Variants in PHRF1 observed in about 807,000 individuals in gnomAD.
PHRF1 encodes PHD and ring finger domains 1.
PHRF1 carries 53 observed loss-of-function variants against 128.9 expected under a neutral mutation model. That is an observed-to-expected ratio of 0.41 (90% CI 0.33 to 0.52). The LOEUF (loss-of-function observed/expected upper bound fraction) is 0.52. PHRF1 is among the 20% of genes least tolerant of loss of function. The probability of loss-of-function intolerance (pLI) is 0.21; values close to 1 mark genes in which losing one functional copy is unlikely to be tolerated. For missense variants in PHRF1, 2,503 were observed against 2,284.5 expected (o/e 1.10, Z -1.95); for synonymous variants, 1,178 against 980.6 (o/e 1.20, Z -3.76).
At chr11:595,546 C>G (rs1855228288) in intron 6 of PHRF1, among the ~76,000 whole-genome samples, 1 of 152,210 alleles carries the variant, frequency 6.6e-6, no homozygotes, top group African/African-American at 2.4e-5. Flanking sequence ...CCATGGGTGC[C>G]TGCACCGTAG....
chr11:599,068 T>A (rs1054807899), intron 9 of PHRF1, among the ~76,000 whole-genome samples: 1 of 152,186 alleles, frequency 6.6e-6, no homozygotes, highest in African/African-American at 2.4e-5. Flanking sequence ...CTGCACCTTG[T>A]CAGACACCCC....
At chr11:584,728 C>CAT (rs1258579802) in intron 3 of PHRF1, among the ~76,000 whole-genome samples, 1 of 142,778 alleles carries the variant, frequency 7.0e-6, no homozygotes, top group Non-Finnish European at 1.5e-5. Context: ...TTCTCCAGGA[C>CAT]CTTTTTTTTT....
chr11:577,173 C>T (rs1380876580), intron 1 of PHRF1, among the ~76,000 whole-genome samples: 2 of 152,208 alleles, frequency 1.3e-5, no homozygotes, highest in East Asian at 1.9e-4. Flanking sequence ...GCAGTCCTCA[C>T]AAGAGCCTCT....
At chr11:601,202 T>C (rs1402813872) in intron 9 of PHRF1, among the ~76,000 whole-genome samples, 1 of 151,848 alleles carries the variant, frequency 6.6e-6, no homozygotes, top group Non-Finnish European at 1.5e-5. Context: ...CCTAGCTCTT[T>C]AGGAGGCTGA....
In PHRF1 at chr11:609,541, A is replaced by C; in HGVS notation, c.4085A>C (p.Asp1362Ala). The C allele has an allele frequency of 6.2e-7, 1 of 1,600,542 alleles. No individual in the cohort carries two copies. Among genetic ancestry groups the C allele is most frequent in the Non-Finnish European group, 8.5e-7 (1 of 1,175,838 alleles). Residue 1362 changes from aspartate to alanine, a missense_variant, in exon 14 of 18, where the codon GAT becomes GCT. Coordinates refer to ENST00000264555, the MANE Select transcript of PHRF1 (RefSeq NM_001286581.2). Reference protein sequence around the residue: ...AEKAEAPSSPDVAPAGKEDSP... With the variant: ...AEKAEAPSSPAVAPAGKEDSP... ...AAGGCTGAGGCACCCAGTTCCCCGG[A>C]TGTGGCGCCTGCGGGGAAGGAAGAC... is the stretch of plus-strand genomic sequence containing the variant.
At chr11:593,675 G>A (rs1855116085) in intron 6 of PHRF1, among the ~76,000 whole-genome samples, 1 of 152,226 alleles carries the variant, frequency 6.6e-6, no homozygotes, top group Admixed American at 6.5e-5. Flanking sequence ...CGGCCACCAC[G>A]TTTGTCTCAT....
intron 12 of PHRF1, 129 bp from the exon 13 acceptor site, chr11:606,313 T>G: frequency 8.2e-7 from 1 of 1,221,746 alleles, no homozygotes; most frequent in South Asian, 1.6e-5. Context: ...GAGCCAGGGC[T>G]GTGGGGGAGG....
At chr11:581,188 T>C (rs1854180979) in intron 1 of PHRF1, among the ~76,000 whole-genome samples, 1 of 152,096 alleles carries the variant, frequency 6.6e-6, no homozygotes, top group Non-Finnish European at 1.5e-5. Context: ...TCTGGCTTTA[T>C]GGGTAGCTCT....
chr11:581,833 C>T, intron 2 of PHRF1, 129 bp from the exon 3 acceptor site: 1 of 1,351,678 alleles, frequency 7.4e-7, no homozygotes, highest in South Asian at 1.5e-5. Flanking sequence ...CCCCACCTTG[C>T]CGGCCCTGGG....
rs1855318117 is a variant in PHRF1, at chr11:597,004, T to G, written c.702T>G (p.Gly234=). The part of the protein sequence containing the change: ...EWFCPECAAP[G]VVLAADAGPV... The stretch of plus-strand genomic sequence containing the variant: ...TCTGCCCGGAATGTGCTGCGCCTGG[T>G]GTTGTCCTTGCCGCTGGTAAGGACA... The change falls in exon 7 of 18, where the codon GGT becomes GGG. Residue 234 remains glycine (G), a synonymous_variant. Coordinates refer to ENST00000264555, the MANE Select transcript of PHRF1 (RefSeq NM_001286581.2). This position sits in a 1 kb window ranked among gnomAD's most constrained non-coding sequence, Gnocchi z 6.5. 4 of 1,613,750 alleles carry G rather than the reference T, an allele frequency of 2.5e-6. No individual in the cohort carries two copies. Among genetic ancestry groups the G allele is most frequent in the Middle Eastern group, 1.7e-4 (1 of 6,060 alleles).
intron 3 of PHRF1, among the ~76,000 whole-genome samples, chr11:586,148 A>G (rs1335546822): frequency 2.0e-5 from 3 of 152,126 alleles, no homozygotes; most frequent in African/African-American, 4.8e-5. Context: ...GGCTTGAGCC[A>G]CCACGCCTGG....
chr11:576,749 G>A (rs113794548), intron 1 of PHRF1, among the ~76,000 whole-genome samples, 157 bp downstream of exon 1: 8,584 of 105,906 alleles, frequency 0.081, 420 homozygotes, highest in African/African-American at 0.13. Context: ...GCGCGCGCTG[G>A]GAGGCCCCGC....
chr11:611,165 T>G, intron 17 of PHRF1, 83 bp downstream of exon 17: 2 of 1,575,368 alleles, frequency 1.3e-6, no homozygotes, highest in Non-Finnish European at 8.6e-7. Flanking sequence ...GACTTTGGGG[T>G]GGCCATGAGT....
intron 4 of PHRF1, among the ~76,000 whole-genome samples, chr11:589,510 C>G (rs939341678): frequency 6.6e-6 from 1 of 152,198 alleles, no homozygotes. Flanking sequence ...GAACTGGAAC[C>G]GGTCCAGGAA....
In PHRF1 at chr11:609,683, G is replaced by A; in HGVS notation, c.4227G>A (p.Glu1409=). 6.5e-7 allele frequency: 1 copy of A among 1,532,430 alleles called. No homozygotes were observed. Among genetic ancestry groups the A allele is most frequent in the Non-Finnish European group, 8.8e-7 (1 of 1,142,464 alleles). 94.9% of individuals were successfully genotyped at this position (1,532,430 alleles called of 1,614,324 possible). A position where few individuals can be genotyped will look rare whatever the true frequency, so the allele number is the denominator to read the frequency against. ...AGCGGGTCACCTGGAACCTGCAGGA[G>A]TCGGAGAGCAGCGCCCCCGCCGAGG... The part of the protein sequence containing the change: ...LVKRVTWNLQ[E]SESSAPAEDR... The change falls in exon 14 of 18, where the codon GAG becomes GAA. Residue 1409 remains glutamate (E), a synonymous_variant. Transcript: ENST00000264555.
intron 9 of PHRF1, 71 bp from the exon 10 acceptor site, chr11:601,503 G>T: frequency 6.2e-7 from 1 of 1,601,474 alleles, no homozygotes; most frequent in Non-Finnish European, 8.5e-7. Flanking sequence ...CGTCCACTGG[G>T]CTGGACTCAC....
rs772200443 is a variant in PHRF1 at position 609,241 on chromosome 11, G to T, written c.3785G>T (p.Gly1262Val). 2.5e-6 allele frequency: 4 copies of T among 1,611,260 alleles called. No homozygotes were observed. Among genetic ancestry groups the T allele is most frequent in the Non-Finnish European group, 2.5e-6 (3 of 1,179,880 alleles). Residue 1262 changes from glycine to valine, a missense_variant, in exon 14 of 18, where the codon GGC becomes GTC. Gly to Val is a moderately radical substitution (Grantham distance 109). Coordinates refer to ENST00000264555, the MANE Select transcript of PHRF1 (RefSeq NM_001286581.2). ...CEPDDLDLDY[G>V]DSVEAGHVFD... ...CCGGACGACCTGGACCTGGATTATG[G>T]CGACTCCGTGGAGGCCGGACACGTC...
chr11:607,222 C>G lies in PHRF1; in HGVS notation c.1766C>G (p.Ser589Cys), dbSNP rs1856003225. The G allele has an allele frequency of 1.9e-6, 3 of 1,612,262 alleles. No homozygotes were observed. The East Asian group carries it at 6.7e-5, about 36-fold the overall frequency. The change falls in exon 14 of 18, where the codon TCC (serine) becomes TGC (cysteine). Residue 589 changes from serine (S) to cysteine (C), a missense_variant. Physicochemically the swap from Ser to Cys is moderately radical, Grantham distance 112. Transcript: ENST00000264555. ...ACAGGGCTCAGCTGTCAAGGCAGGT[C>G]CCGCACCCCCGCCCGCACCGCGGGG... ...QSTGLSCQGR[S>C]RTPARTAGAP...
In PHRF1 at chr11:605,122, G is replaced by T. The variant is rs758397609; in HGVS notation, c.1156G>T (p.Glu386Ter). Reference sequence around the variant, plus strand: ...TTTTCTTTGTTACTGGATTCAGAGTGAAGCCACCACTCGCTCTCGAATCGC... The same window carrying T: ...TTTTCTTTGTTACTGGATTCAGAGTTAAGCCACCACTCGCTCTCGAATCGC... ...KKRRGKKVKS[E>*]ATTRSRIART... Residue 386 changes from glutamate to a stop codon, truncating the protein, a stop_gained, in exon 11 of 18, where the codon GAA becomes TAA. Transcript: ENST00000264555. LOFTEE classifies it high-confidence loss of function. The T allele has an allele frequency of 5.0e-6, 8 of 1,607,412 alleles. No individual in the cohort carries two copies. In the Admixed American group the frequency reaches 6.7e-5, roughly 13 times the overall value.
Sources: gnomAD v4.1 joint callset for allele counts (sites outside exome capture counted in the v4.1 genomes callset) on GRCh38, gnomAD v4.1.1 for gene constraint, Gnocchi (gnomAD v3.1) non-coding constraint, MANE v1.5 for transcripts, NCBI Gene and HGNC (gene_info 2026-07-23, HGNC 2026-07-21) for gene names.